DCBLD2: variants seen among roughly 807,000 people sequenced by gnomAD.
DCBLD2 encodes discoidin, CUB and LCCL domain containing 2.
Under a neutral mutation model 86.8 loss-of-function variants are expected in DCBLD2, and 54 were observed. The ratio of observed to expected loss-of-function variants is 0.62; its 90% CI spans 0.50 to 0.78. DCBLD2 has a LOEUF of 0.78. Ranked by LOEUF, DCBLD2 falls within the 30% of genes least tolerant of loss-of-function variation. The probability of loss-of-function intolerance (pLI) is 0.00; values close to 1 mark genes in which losing one functional copy is unlikely to be tolerated. For missense variants in DCBLD2, 908 were observed against 954.2 expected (o/e 0.95, Z 0.64); for synonymous variants, 354 against 341.3 (o/e 1.04, Z -0.41).
chr3:98,865,350 C>T (rs887407279), intron 2 of DCBLD2, among the ~76,000 whole-genome samples: 3 of 151,746 alleles, frequency 2.0e-5, no homozygotes, highest in African/African-American at 4.8e-5. Flanking sequence ...TGATGTTAAG[C>T]GAAATAAGCA....
At chr3:98,880,855 T>G (rs1304980329) in intron 2 of DCBLD2, among the ~76,000 whole-genome samples, 1 of 152,214 alleles carries the variant, frequency 6.6e-6, no homozygotes, top group Non-Finnish European at 1.5e-5. Context: ...CCAAAACCCT[T>G]GTTTTTAATC....
At chr3:98,854,326 G>C (rs970467912) in intron 2 of DCBLD2, among the ~76,000 whole-genome samples, 1 of 152,128 alleles carries the variant, frequency 6.6e-6, no homozygotes, top group Non-Finnish European at 1.5e-5. Flanking sequence ...GGGCCAGAGT[G>C]AGGTGGAGAT....
intron 2 of DCBLD2, among the ~76,000 whole-genome samples, chr3:98,858,415 G>A (rs1349023186): frequency 6.6e-6 from 1 of 152,266 alleles, no homozygotes; most frequent in Non-Finnish European, 1.5e-5. Context: ...TGCTGCCAAA[G>A]TGGGAGCCCA....
chr3:98,841,940 C>T (rs1055327033), intron 3 of DCBLD2, among the ~76,000 whole-genome samples: 2 of 152,126 alleles, frequency 1.3e-5, no homozygotes, highest in African/African-American at 4.8e-5. Flanking sequence ...TGGCGTGTGC[C>T]TGTAGTCCCA....
chr3:98,800,842 T>C, intron 14 of DCBLD2, 126 bp from the exon 15 acceptor site: 4 of 1,373,040 alleles, frequency 2.9e-6, no homozygotes, highest in Non-Finnish European at 3.9e-6. Context: ...AAACTTGCCT[T>C]TATAATCCAA....
rs1316274931 is a variant in DCBLD2, at chr3:98,812,456, G to A, written c.1239C>T (p.His413=). 6.2e-7 allele frequency: 1 copy of A among 1,612,912 alleles called. No individual in the cohort carries two copies. Among genetic ancestry groups the A allele is most frequent in the East Asian group, 2.2e-5 (1 of 44,812 alleles). Residue 413 remains histidine, a synonymous_variant, in exon 10 of 16, where the codon CAC becomes CAT. Transcript: ENST00000326840. ...GCAAAAAGTTATTACGCACATCCTG[G>A]TGATAATCTTTGTTTCCTTGAAATA... ...DKIFQGNKDY[H]QDVRNNFLPP...
intron 2 of DCBLD2, among the ~76,000 whole-genome samples, chr3:98,864,049 GAACA>G (rs1943095120): frequency 6.6e-6 from 1 of 152,164 alleles, no homozygotes; most frequent in African/African-American, 2.4e-5. Flanking sequence ...CGAACGATAT[GAACA>G]GACACTTCTC....
intron 2 of DCBLD2, among the ~76,000 whole-genome samples, chr3:98,880,471 G>GT (rs1943446064): frequency 6.6e-6 from 1 of 152,124 alleles, no homozygotes; most frequent in African/African-American, 2.4e-5. Flanking sequence ...TAAATCAAAG[G>GT]TTTTTAAACG....
intron 2 of DCBLD2, among the ~76,000 whole-genome samples, chr3:98,869,872 T>C (rs995737633): frequency 4.6e-5 from 7 of 152,226 alleles, no homozygotes; most frequent in Non-Finnish European, 1.0e-4. Flanking sequence ...ACATTTTCAG[T>C]GGCTGAGATT....
chr3:98,839,619 A>C (rs764304739), intron 3 of DCBLD2, among the ~76,000 whole-genome samples: 8 of 152,220 alleles, frequency 5.3e-5, no homozygotes, highest in Non-Finnish European at 8.8e-5. Flanking sequence ...TCGTTCATTT[A>C]TTCATTCAGC....
Position 98,800,707 on chromosome 3 carries a change from T to C in DCBLD2, c.1730A>G (p.Lys577Arg). Residue 577 changes from lysine to arginine, a missense_variant, in exon 15 of 16, where the codon AAA becomes AGA. Physicochemically the swap from Lys to Arg is conservative, Grantham distance 26. Coordinates refer to ENST00000326840, the MANE Select transcript of DCBLD2 (RefSeq NM_080927.4). ...TGCAGGAAGAAACTGCTTCATTCCT[T>C]TCCACCAACCTTCATTGTGACGGCA... ...LPYWDRAGWW[K>R]GMKQFLPAKA... 6.2e-7 allele frequency: 1 copy of C among 1,613,896 alleles called. No homozygotes were observed. The highest frequency in any genetic ancestry group is 8.5e-7 in the Non-Finnish European group (1 of 1,179,852).
Position 98,849,497 on chromosome 3 carries a change from C to T in DCBLD2, c.535G>A (p.Gly179Arg), listed in dbSNP as rs939159801. The change falls in exon 3 of 16, where the codon GGA becomes AGA. Residue 179 changes from glycine (G) to arginine (R), a missense_variant. Physicochemically the swap from Gly to Arg is moderately radical, Grantham distance 125 (BLOSUM62 -2). Transcript: ENST00000326840. Reference sequence around the variant, plus strand: ...ATAACAGAGTATGAGGCCAAAAATCCGCGTCCAGAAACATGGATTCCACTC... The same window carrying T: ...ATAACAGAGTATGAGGCCAAAAATCTGCGTCCAGAAACATGGATTCCACTC... ...FMSGIHVSGR[G>R]FLASYSVIDK... 1.2e-6 allele frequency: 2 copies of T among 1,613,766 alleles called. No individual in the cohort carries two copies. The highest frequency in any genetic ancestry group is 1.7e-6 in the Non-Finnish European group (2 of 1,179,828).
chr3:98,884,567 C>T (rs541407695), intron 1 of DCBLD2, among the ~76,000 whole-genome samples: 78 of 152,076 alleles, frequency 5.1e-4, no homozygotes, highest in Middle Eastern at 3.4e-3. Context: ...TAACATTTTT[C>T]CTCAGAGGAA....
At position 98,822,678 on chromosome 3, in the gene DCBLD2, T is replaced by A; in HGVS notation, c.687A>T (p.Gly229=). 6.3e-7 allele frequency: 1 copy of A among 1,589,320 alleles called. No homozygotes were observed. The highest frequency in any genetic ancestry group is 8.6e-7 in the Non-Finnish European group (1 of 1,167,274). ...FAEISGTIPH[G]YRDSSPLCMA... is the part of the protein sequence containing the mutation. ...TTTATATCTGGCTTACATCTCTATATCCATGAGGAATTGTTCCAGATATCT... is the reference window on the plus strand; with the variant it reads ...TTTATATCTGGCTTACATCTCTATAACCATGAGGAATTGTTCCAGATATCT... Residue 229 remains glycine (G), a synonymous_variant, in exon 5 of 16, where the codon GGA becomes GGT. Coordinates refer to ENST00000326840, the MANE Select transcript of DCBLD2 (RefSeq NM_080927.4).
At chr3:98,867,080 C>A (rs1391599027) in intron 2 of DCBLD2, among the ~76,000 whole-genome samples, 1 of 152,068 alleles carries the variant, frequency 6.6e-6, no homozygotes, top group Non-Finnish European at 1.5e-5. Flanking sequence ...CTGTTTTGGT[C>A]CCAGTACCAT....
intron 1 of DCBLD2, among the ~76,000 whole-genome samples, chr3:98,893,533 T>C (rs532427524): frequency 3.9e-5 from 6 of 151,928 alleles, no homozygotes; most frequent in Non-Finnish European, 7.4e-5. Context: ...ATTGCAAGGG[T>C]TAAAAAATAA....
Position 98,901,466 on chromosome 3 carries a change from T to C in DCBLD2, c.-140A>G, listed in dbSNP as rs1456880998. On this transcript the variant is annotated 5_prime_UTR_variant, in exon 1 of 16. Transcript: ENST00000326840. ...CTCGCCTCACCCCGCGCCGGGACCCTTCCGCCCCTCACCCCGCTTTCACCT... is the reference window on the plus strand; with the variant it reads ...CTCGCCTCACCCCGCGCCGGGACCCCTCCGCCCCTCACCCCGCTTTCACCT... 4.9e-6 allele frequency: 4 copies of C among 815,086 alleles called. No homozygotes were observed. In the African/African-American group the frequency reaches 5.4e-5, roughly 11 times the overall value. 50.5% of individuals were successfully genotyped at this position (815,086 alleles called of 1,614,324 possible). A position where few individuals can be genotyped will look rare whatever the true frequency, so the allele number is the denominator to read the frequency against.
At chr3:98,878,201 G>A (rs1943402413) in intron 2 of DCBLD2, among the ~76,000 whole-genome samples, 2 of 152,192 alleles carry the variant, frequency 1.3e-5, no homozygotes, top group South Asian at 4.1e-4. Flanking sequence ...CATAGTTACA[G>A]TGTAGAAAAC....
In DCBLD2 at chr3:98,799,377, G is replaced by T. The variant is rs1318712291; in HGVS notation, c.2323C>A (p.Leu775Ile). ...TGTAAAAAGCAGCATCATCTTCAAA[G>T]GATTTCTTTAAAAACATCACATTCC... The part of the protein sequence containing the change: ...DGECDVFKEI[L>I] The change falls in exon 16 of 16, where the codon CTT (leucine) becomes ATT (isoleucine). Residue 775 changes from leucine (L) to isoleucine (I), a missense_variant. Leu to Ile is a conservative substitution (Grantham distance 5). This residue lies in a region of DCBLD2 where 606 missense variants were observed against 678.5 expected (regional missense o/e 0.89). Transcript: ENST00000326840. 1 of 1,603,542 alleles carries T rather than the reference G, an allele frequency of 6.2e-7. No individual in the cohort carries two copies. Among genetic ancestry groups the T allele is most frequent in the Non-Finnish European group, 8.5e-7 (1 of 1,173,940 alleles).
Sources: allele counts gnomAD v4.1 joint callset (sites outside exome capture counted in the v4.1 genomes callset), GRCh38; gene constraint gnomAD v4.1.1; regional missense constraint gnomAD v4.1.1; transcripts MANE v1.5; gene names NCBI Gene and HGNC (gene_info 2026-07-23, HGNC 2026-07-21).